SUSD6: variants seen among roughly 807,000 people sequenced by gnomAD.
SUSD6 encodes sushi domain-containing protein 6.
In SUSD6, 16 loss-of-function variants were observed where a neutral mutation model predicts 28.4. The observed-to-expected ratio is 0.56, with a 90% confidence interval of 0.38 to 0.86. The LOEUF (loss-of-function observed/expected upper bound fraction) is 0.86, where lower values mean the gene tolerates loss of function less well. Among genes scored for constraint, SUSD6 ranks in the 40% least tolerant of loss-of-function variants. The pLI, the probability that SUSD6 is intolerant of heterozygous loss-of-function variation, is 0.00. For synonymous variants in SUSD6, 147 were observed against 159.6 expected (o/e 0.92, Z 0.59); for missense variants, 341 against 384.2 (o/e 0.89, Z 0.94).
At chr14:69,612,871 T>G (rs1884901745) in intron 1 of SUSD6, among the ~76,000 whole-genome samples, 1 of 152,194 alleles carries the variant, frequency 6.6e-6, no homozygotes, top group African/African-American at 2.4e-5. Context: ...TTCACAGTAG[T>G]TAATTCATTT....
chr14:69,670,885 G>T (rs1694899220), intron 2 of SUSD6, among the ~76,000 whole-genome samples: 1 of 152,240 alleles, frequency 6.6e-6, no homozygotes. Flanking sequence ...TGAAACTTTG[G>T]ATGTCCAATA....
Position 69,713,441 on chromosome 14 carries a change from A to T in SUSD6, c.*2462A>T, listed in dbSNP as rs1886498268. 1 of 152,294 alleles carries T rather than the reference A, an allele frequency of 6.6e-6. No homozygotes were observed. Among genetic ancestry groups the T allele is most frequent in the East Asian group, 1.9e-4 (1 of 5,196 alleles). The allele number at this position is 152,294 out of a possible 1,614,324, so 9.4% of individuals were successfully genotyped here. A position where few individuals can be genotyped will look rare whatever the true frequency, so the allele number is the denominator to read the frequency against. ...CAGAGGCTCCTGGGCCTGTGAGTGC[A>T]GGAGCTCATTCTCCCCTCACTGCTG... is the stretch of plus-strand genomic sequence containing the variant. On this transcript the variant is annotated 3_prime_UTR_variant, in exon 6 of 6. Coordinates refer to ENST00000342745, the MANE Select transcript of SUSD6 (RefSeq NM_014734.4).
chr14:69,637,454 C>A (rs115162816), intron 1 of SUSD6, among the ~76,000 whole-genome samples: 13 of 152,144 alleles, frequency 8.5e-5, no homozygotes, highest in Non-Finnish European at 1.5e-4. Flanking sequence ...GAATGTCCCC[C>A]CCTAACCAGG....
At chr14:69,624,825 A>G (rs1393662973) in intron 1 of SUSD6, among the ~76,000 whole-genome samples, 2 of 152,178 alleles carry the variant, frequency 1.3e-5, no homozygotes, top group African/African-American at 4.8e-5. Flanking sequence ...GGTGGCTACC[A>G]AAATTTTGAT....
Position 69,711,024 on chromosome 14 carries a change from TCC to T in SUSD6, c.*46_*47del. 6.2e-7 allele frequency: 1 copy of T among 1,602,690 alleles called. No homozygotes were observed. The highest frequency in any genetic ancestry group is 1.7e-4 in the Middle Eastern group (1 of 6,038). ...CTCTCTGCGAGGTTCTCTCAGCCCT[TCC>T]TCCCTCTCCCTGTGGGATTGAGCAC... On this transcript the variant is annotated 3_prime_UTR_variant, in exon 6 of 6. Transcript: ENST00000342745.
At chr14:69,667,517 C>T (rs1446035202) in intron 2 of SUSD6, among the ~76,000 whole-genome samples, 1 of 151,720 alleles carries the variant, frequency 6.6e-6, no homozygotes, top group Non-Finnish European at 1.5e-5. Flanking sequence ...GCTGGGACTA[C>T]AGACACCCGC....
intron 1 of SUSD6, among the ~76,000 whole-genome samples, chr14:69,637,758 C>T (rs939210001): frequency 2.6e-5 from 4 of 152,164 alleles, no homozygotes; most frequent in African/African-American, 4.8e-5. Context: ...TTGCTGTCCT[C>T]TGACCAGCTG....
At chr14:69,618,290 T>C (rs891056753) in intron 1 of SUSD6, among the ~76,000 whole-genome samples, 6 of 152,236 alleles carry the variant, frequency 3.9e-5, no homozygotes, top group Admixed American at 1.3e-4. Flanking sequence ...TAAATGGATT[T>C]TATGTTTAGA....
chr14:69,710,992 G>A lies in SUSD6; in HGVS notation c.*13G>A, dbSNP rs2139649801. 6.2e-7 allele frequency: 1 copy of A among 1,613,882 alleles called. No homozygotes were observed. The highest frequency in any genetic ancestry group is 8.5e-7 in the Non-Finnish European group (1 of 1,179,792). ...GAAAGAAGCATGAGGGCAGCGGCCA[G>A]CCTTTCCTCTCTGCGAGGTTCTCTC... On this transcript the variant is annotated 3_prime_UTR_variant, in exon 6 of 6. Coordinates refer to ENST00000342745, the MANE Select transcript of SUSD6 (RefSeq NM_014734.4).
chr14:69,634,432 A>C (rs1885235187), intron 1 of SUSD6, among the ~76,000 whole-genome samples: 1 of 152,210 alleles, frequency 6.6e-6, no homozygotes, highest in African/African-American at 2.4e-5. Context: ...TTTTCTTTGA[A>C]TAGTAGAATC....
intron 2 of SUSD6, among the ~76,000 whole-genome samples, chr14:69,699,907 T>C (rs1043103946): frequency 2.0e-5 from 3 of 152,124 alleles, no homozygotes; most frequent in African/African-American, 7.2e-5. Context: ...ACCATTTACA[T>C]AGGGGACGAA....
At chr14:69,645,836 G>A (rs1249571240) in intron 1 of SUSD6, among the ~76,000 whole-genome samples, 1 of 150,658 alleles carries the variant, frequency 6.6e-6, no homozygotes, top group Non-Finnish European at 1.5e-5. Flanking sequence ...TGTAACCTCC[G>A]CCTCCCTGCT....
intron 2 of SUSD6, among the ~76,000 whole-genome samples, chr14:69,674,280 T>G (rs1480191714): frequency 6.6e-6 from 1 of 152,164 alleles, no homozygotes; most frequent in Non-Finnish European, 1.5e-5. Context: ...TGGCACAGTG[T>G]GTGGCTCATG....
chr14:69,627,393 CT>C (rs1231420238), intron 1 of SUSD6, among the ~76,000 whole-genome samples: 1 of 152,162 alleles, frequency 6.6e-6, no homozygotes, highest in Admixed American at 6.5e-5. Flanking sequence ...ATGCTGCTAC[CT>C]TTTAGGGACA....
At chr14:69,637,928 C>T (rs965900277) in intron 1 of SUSD6, among the ~76,000 whole-genome samples, 3 of 152,232 alleles carry the variant, frequency 2.0e-5, no homozygotes, top group Middle Eastern at 3.4e-3. Context: ...ATCTTCTTTT[C>T]CAGTGCTCAG....
At chr14:69,678,063 C>T (rs1265111902) in intron 2 of SUSD6, among the ~76,000 whole-genome samples, 1 of 151,948 alleles carries the variant, frequency 6.6e-6, no homozygotes, top group Non-Finnish European at 1.5e-5. Flanking sequence ...GATACTTAAA[C>T]CTGTATTCCT....
intron 2 of SUSD6, among the ~76,000 whole-genome samples, chr14:69,678,309 A>G (rs926327437): frequency 6.7e-5 from 10 of 149,784 alleles, no homozygotes; most frequent in Non-Finnish European, 1.0e-4. Context: ...TGTATATTAC[A>G]TATTGTAACA....
At chr14:69,637,240 A>T (rs371157997) in intron 1 of SUSD6, among the ~76,000 whole-genome samples, 169 of 152,146 alleles carry the variant, frequency 1.1e-3, no homozygotes, top group Non-Finnish European at 2.3e-3. Flanking sequence ...CGCTTGCCCC[A>T]TACTTGTGTG....
intron 1 of SUSD6, among the ~76,000 whole-genome samples, chr14:69,657,973 ATGAGATTCAC>A (rs1885608634): frequency 6.6e-6 from 1 of 152,236 alleles, no homozygotes; most frequent in South Asian, 2.1e-4. Flanking sequence ...GCCTTGATTA[ATGAGATTCAC>A]GGCTGTCGAG....
Sources: allele counts gnomAD v4.1 joint callset (sites outside exome capture counted in the v4.1 genomes callset), GRCh38; gene constraint gnomAD v4.1.1; transcripts MANE v1.5; gene names NCBI Gene and HGNC (gene_info 2026-07-23, HGNC 2026-07-21).